HTT: variants seen among roughly 807,000 people sequenced by gnomAD.
HTT encodes the protein huntingtin.
Under a neutral mutation model 362.3 loss-of-function variants are expected in HTT, and 104 were observed. The ratio of observed to expected loss-of-function variants is 0.29; its 90% CI spans 0.24 to 0.34. HTT has a LOEUF of 0.34. HTT is among the 10% of genes least tolerant of loss of function. The pLI is 1.00. For missense variants in HTT, 3,301 were observed against 3,928.6 expected (o/e 0.84, Z 4.27); for synonymous variants, 1,577 against 1,548.7 (o/e 1.02, Z -0.43).
At chr4:3,208,663 C>T (rs186847180) in intron 45 of HTT, 110 bp from the exon 46 acceptor site, 342 of 1,001,898 alleles carry the variant, frequency 3.4e-4, no homozygotes, top group Non-Finnish European at 4.3e-4. Flanking sequence ...ACTAATAGTG[C>T]ATCTCCTTAG....
At chr4:3,094,776 G>A (rs1311241334) in intron 2 of HTT, among the ~76,000 whole-genome samples, 4 of 151,288 alleles carry the variant, frequency 2.6e-5, no homozygotes, top group Admixed American at 6.6e-5. Context: ...CGGACGGGGC[G>A]GCTGCTGGGC....
At chr4:3,116,351 G>C (rs1458625901) in intron 8 of HTT, 88 bp downstream of exon 8, 7 of 1,168,514 alleles carry the variant, frequency 6.0e-6, no homozygotes, top group African/African-American at 1.5e-5. Context: ...CGGCAGAACC[G>C]AGAGTTAGAG....
At chr4:3,175,173 C>A in intron 33 of HTT, 66 bp downstream of exon 33, 1 of 1,399,206 alleles carries the variant, frequency 7.1e-7, no homozygotes, top group Non-Finnish European at 9.9e-7. Context: ...CCCTAAAAGA[C>A]ACTGAAATCT....
intron 8 of HTT, among the ~76,000 whole-genome samples, chr4:3,119,636 G>A (rs1715199410): frequency 6.6e-6 from 1 of 152,104 alleles, no homozygotes; most frequent in Non-Finnish European, 1.5e-5. Context: ...CAACTTCTAG[G>A]CAGAGAACAT....
intron 10 of HTT, 61 bp downstream of exon 10, chr4:3,122,997 A>G: frequency 7.6e-7 from 1 of 1,319,306 alleles, no homozygotes; most frequent in Non-Finnish European, 1.1e-6. Context: ...GTATTTCTGT[A>G]ATGTAATGTA....
chr4:3,099,641 TGGAGGTGC>T (rs1467175453), intron 3 of HTT, among the ~76,000 whole-genome samples: 5 of 150,256 alleles, frequency 3.3e-5, no homozygotes, highest in African/African-American at 1.2e-4. Flanking sequence ...TTGTATGGTT[TGGAGGTGC>T]TCTTGTATGG....
In HTT at chr4:3,116,268, G is replaced by C. The variant is rs1578511247; in HGVS notation, c.1068+5G>C. On this transcript the variant is annotated splice_donor_5th_base_variant and intron_variant, in intron 8 of 66. Transcript: ENST00000355072. ...TCTGCAGAGCAGCTTGTCCAGGTAG[G>C]AGCACAGGGTTTACTCTAGGCCCTG... 1.2e-5 allele frequency: 20 copies of C among 1,606,158 alleles called. No homozygotes were observed. The highest frequency in any genetic ancestry group is 1.7e-5 in the Non-Finnish European group (20 of 1,173,208).
intron 27 of HTT, among the ~76,000 whole-genome samples, chr4:3,155,677 C>G (rs1203866598): frequency 4.5e-5 from 6 of 133,282 alleles, no homozygotes; most frequent in South Asian, 2.4e-4. Flanking sequence ...GTCGGGAGTT[C>G]AAGACCAAAC....
At chr4:3,099,826 T>C (rs1714060990) in intron 3 of HTT, among the ~76,000 whole-genome samples, 1 of 151,758 alleles carries the variant, frequency 6.6e-6, no homozygotes, top group Admixed American at 6.6e-5. Context: ...TTGCAGGTGC[T>C]CTATTGTATG....
At chr4:3,189,586 A>G (rs1444152304) in intron 40 of HTT, among the ~76,000 whole-genome samples, 4 of 152,248 alleles carry the variant, frequency 2.6e-5, no homozygotes, top group Non-Finnish European at 5.9e-5. Flanking sequence ...ATTCATAGAT[A>G]TAGAAAGTAG....
Position 3,178,320 on chromosome 4 carries a change from A to G in HTT, c.4486A>G (p.Asn1496Asp). The change falls in exon 35 of 67, where the codon AAC becomes GAC. Residue 1496 changes from asparagine to aspartate, a missense_variant. Asn to Asp is a conservative substitution (Grantham distance 23, BLOSUM62 1). Coordinates refer to ENST00000355072, the MANE Select transcript of HTT (RefSeq NM_001388492.1). ...TAGGGAATCAGAGGCAATCATTCCA[A>G]ACATCTTTTTCTTCTTGGTATTACT... ...QFRESEAIIP[N>D]IFFFLVLLSY... 1 of 1,610,242 alleles carries G rather than the reference A, an allele frequency of 6.2e-7. No individual in the cohort carries two copies. The highest frequency in any genetic ancestry group is 8.5e-7 in the Non-Finnish European group (1 of 1,176,852).
intron 29 of HTT, among the ~76,000 whole-genome samples, chr4:3,160,992 T>C (rs1717413487): frequency 2.0e-5 from 3 of 152,220 alleles, no homozygotes; most frequent in Admixed American, 1.3e-4. Flanking sequence ...TACATAGGTA[T>C]ACACGTGCCA....
intron 26 of HTT, among the ~76,000 whole-genome samples, chr4:3,151,717 G>C (rs1716902124): frequency 6.6e-6 from 1 of 152,052 alleles, no homozygotes; most frequent in African/African-American, 2.4e-5. Context: ...CGCCAACCCT[G>C]GTTTGTGGAA....
chr4:3,182,942 G>A (rs925628132), intron 37 of HTT, among the ~76,000 whole-genome samples: 3 of 152,036 alleles, frequency 2.0e-5, no homozygotes, highest in Admixed American at 6.5e-5. Context: ...GAGTGCAGTC[G>A]TGTAATCTCA....
chr4:3,204,406 A>C (rs1719748098), intron 42 of HTT, among the ~76,000 whole-genome samples: 1 of 152,252 alleles, frequency 6.6e-6, no homozygotes, highest in South Asian at 2.1e-4. Flanking sequence ...ATGCCCGGCT[A>C]TTGGCTCACG....
rs754033524 is a variant in HTT at position 3,235,330 on chromosome 4, A to G, written c.8503A>G (p.Thr2835Ala). The part of the protein sequence containing the change: ...SQQHVLVMCA[T>A]AFYLIENYPL... ...GCAGCACGTACTGGTCATGTGTGCC[A>G]CTGCGTTTTACCTCATTGAGAACTA... Residue 2835 changes from threonine to alanine, a missense_variant, in exon 62 of 67, where the codon ACT becomes GCT. By Grantham distance (58) the Thr-to-Ala change is moderately conservative. This residue lies in a region of HTT where 753 missense variants were observed against 1,021.3 expected (regional missense o/e 0.74). Transcript: ENST00000355072. The G allele has an allele frequency of 1.2e-6, 2 of 1,613,978 alleles. No homozygotes were observed. The highest frequency in any genetic ancestry group is 1.7e-6 in the Non-Finnish European group (2 of 1,179,952).
chr4:3,222,549 TG>T (rs1376347003), intron 54 of HTT, 62 bp downstream of exon 54: 1 of 1,254,518 alleles, frequency 8.0e-7, no homozygotes, highest in East Asian at 2.3e-5. Flanking sequence ...AGGCCTTTGG[TG>T]GGGAATAAAA....
Position 3,186,623 on chromosome 4 carries a change from T to C in HTT, c.4893T>C (p.Leu1631=). 1 of 1,613,020 alleles carries C rather than the reference T, an allele frequency of 6.2e-7. No individual in the cohort carries two copies. Among genetic ancestry groups the C allele is most frequent in the Non-Finnish European group, 8.5e-7 (1 of 1,179,226 alleles). ...TGCACATTGACTCTCATGAAGCCCT[T>C]GGAGTGTTAAATACATTATTTGAGA... ...QQMHIDSHEA[L]GVLNTLFEIL... is the part of the protein sequence containing the mutation. The change falls in exon 38 of 67, where the codon CTT becomes CTC. Residue 1631 remains leucine, a synonymous_variant. Transcript: ENST00000355072.
At chr4:3,132,212 G>T (rs1257438444) in intron 16 of HTT, among the ~76,000 whole-genome samples, 1 of 152,108 alleles carries the variant, frequency 6.6e-6, no homozygotes, top group African/African-American at 2.4e-5. Context: ...GGGTGAGAGG[G>T]TACACTTGTG....
Sources: allele counts gnomAD v4.1 joint callset (sites outside exome capture counted in the v4.1 genomes callset), GRCh38; gene constraint gnomAD v4.1.1; regional missense constraint gnomAD v4.1.1; transcripts MANE v1.5; gene names NCBI Gene and HGNC (gene_info 2026-07-23, HGNC 2026-07-21).